The following GMDS variants were observed in gnomAD, a reference collection of about 807,000 sequenced individuals.
GMDS encodes the protein GDP-mannose 4,6-dehydratase.
Under a neutral mutation model 49.9 loss-of-function variants are expected in GMDS, and 20 were observed. That is an observed-to-expected ratio of 0.40 (90% CI 0.28 to 0.58). The LOEUF is 0.58. GMDS is among the 20% of genes least tolerant of loss of function. The probability of loss-of-function intolerance (pLI) is 0.42; values close to 1 mark genes in which losing one functional copy is unlikely to be tolerated. For missense variants in GMDS, 362 were observed against 481.4 expected (o/e 0.75, Z 2.32); for synonymous variants, 177 against 178.6 (o/e 0.99, Z 0.07).
intron 7 of GMDS, among the ~76,000 whole-genome samples, chr6:1,928,670 C>T (rs1762139248): frequency 6.6e-6 from 1 of 151,984 alleles, no homozygotes; most frequent in Non-Finnish European, 1.5e-5. Context: ...CTTAGAAGCA[C>T]ATATTTAAAA....
At chr6:1,706,187 G>A (rs1245074465) in intron 9 of GMDS, among the ~76,000 whole-genome samples, 1 of 152,200 alleles carries the variant, frequency 6.6e-6, no homozygotes, top group Non-Finnish European at 1.5e-5. Flanking sequence ...TTAATCAGAT[G>A]TATATATTGT....
intron 1 of GMDS, among the ~76,000 whole-genome samples, chr6:2,154,296 A>C (rs555017214): frequency 6.6e-6 from 1 of 152,290 alleles, no homozygotes; most frequent in African/African-American, 2.4e-5. Context: ...TGGTTTGTGA[A>C]TACATACAAC....
At chr6:2,234,981 CG>C (rs1399740344) in intron 1 of GMDS, among the ~76,000 whole-genome samples, 2 of 151,968 alleles carry the variant, frequency 1.3e-5, no homozygotes, top group Non-Finnish European at 1.5e-5. Flanking sequence ...GAAAATTAGC[CG>C]GGCGTGGTGG....
At chr6:1,959,827 C>A in intron 6 of GMDS, 40 bp downstream of exon 6, 2 of 1,193,230 alleles carry the variant, frequency 1.7e-6, no homozygotes, top group Non-Finnish European at 2.4e-6. Context: ...TGTTGTTGTT[C>A]AAGTCTGAAA....
At chr6:1,721,312 T>C (rs888728732) in intron 9 of GMDS, among the ~76,000 whole-genome samples, 3 of 152,186 alleles carry the variant, frequency 2.0e-5, no homozygotes, top group Non-Finnish European at 2.9e-5. Flanking sequence ...ATTGCTTTCT[T>C]AGTTCTAGGT....
rs1371035167 is a variant in GMDS at position 1,931,634 on chromosome 6, T to G, written c.644-1404A>C. 2.0e-5 allele frequency among the ~76,000 whole-genome samples: 3 copies of G among 152,226 alleles called. No individual in the cohort carries two copies. In the East Asian group the frequency reaches 5.8e-4, roughly 29 times the overall value. The stretch of plus-strand genomic sequence containing the variant: ...TGGCTAATTAGTAATTTTAAAAATT[T>G]TTCTATTGACTTGTAAGAATTAAAT... On this transcript the variant is annotated intron_variant, in intron 6 of 10. Coordinates refer to ENST00000380815, the MANE Select transcript of GMDS (RefSeq NM_001500.4).
intron 7 of GMDS, among the ~76,000 whole-genome samples, chr6:1,900,854 T>C (rs777271970): frequency 6.9e-4 from 105 of 152,248 alleles, no homozygotes; most frequent in Non-Finnish European, 7.8e-4. Context: ...TGAAAATGTA[T>C]GTTCCCTTAA....
chr6:2,049,172 T>C (rs1770210831), intron 4 of GMDS, among the ~76,000 whole-genome samples: 1 of 152,382 alleles, frequency 6.6e-6, no homozygotes, highest in Admixed American at 6.5e-5. Context: ...CAGTGTGCAG[T>C]ATTTTGTTAT....
At chr6:1,906,835 A>AAAGCACAGGCTGCAAGGTCCT (rs1760802816) in intron 7 of GMDS, among the ~76,000 whole-genome samples, 1 of 152,192 alleles carries the variant, frequency 6.6e-6, no homozygotes, top group African/African-American at 2.4e-5. Flanking sequence ...CAGGCTACTC[A>AAAGCACAGGCTGCAAGGTCCT]AAGCACAGGC....
intron 8 of GMDS, among the ~76,000 whole-genome samples, chr6:1,742,000 C>T (rs184105895): frequency 1.3e-5 from 2 of 150,670 alleles, no homozygotes; most frequent in Non-Finnish European, 3.0e-5. Context: ...CAGCTCACTG[C>T]AATCTCTGCC....
At chr6:1,999,312 C>T (rs1766503922) in intron 4 of GMDS, among the ~76,000 whole-genome samples, 1 of 75,352 alleles carries the variant, frequency 1.3e-5, no homozygotes, top group Non-Finnish European at 2.5e-5. Context: ...CAGAGCGAGA[C>T]TCTGTCTCAA....
intron 1 of GMDS, among the ~76,000 whole-genome samples, chr6:2,132,785 G>A (rs925652106): frequency 6.6e-6 from 1 of 152,104 alleles, no homozygotes; most frequent in African/African-American, 2.4e-5. Flanking sequence ...CTGCCTAACC[G>A]GACAGTTCAG....
intron 7 of GMDS, among the ~76,000 whole-genome samples, chr6:1,809,790 T>C (rs1426858119): frequency 6.6e-6 from 1 of 152,244 alleles, no homozygotes; most frequent in South Asian, 2.1e-4. Flanking sequence ...GAATCTTTTC[T>C]CTTTTCAGGG....
intron 1 of GMDS, among the ~76,000 whole-genome samples, chr6:2,132,216 T>C (rs754858693): frequency 2.6e-5 from 4 of 152,162 alleles, no homozygotes; most frequent in East Asian, 1.9e-4. Context: ...GCTTCACTAA[T>C]AGGATCGATC....
chr6:1,938,351 A>C (rs1762649231), intron 6 of GMDS, among the ~76,000 whole-genome samples: 1 of 152,184 alleles, frequency 6.6e-6, no homozygotes, highest in African/African-American at 2.4e-5. Flanking sequence ...CTTGTGGCAT[A>C]AATTCCCTTC....
chr6:1,833,236 G>A lies in GMDS; in HGVS notation c.772-90650C>T, dbSNP rs574092960. Among the ~76,000 whole-genome samples, 1 of 149,688 alleles carries A rather than the reference G, an allele frequency of 6.7e-6. No homozygotes were observed. Among genetic ancestry groups the A allele is most frequent in the Non-Finnish European group, 1.5e-5 (1 of 67,786 alleles). On this transcript the variant is annotated intron_variant, in intron 7 of 10. Coordinates refer to ENST00000380815, the MANE Select transcript of GMDS (RefSeq NM_001500.4). This position sits in a 1 kb window ranked among gnomAD's most constrained non-coding sequence, Gnocchi z 4.4. Reference sequence around the variant, plus strand: ...GGGAATTGGCCAAATGTCGTCTCCCGCTGGGCTTCAATGCCAAAACTACAC... The same window carrying A: ...GGGAATTGGCCAAATGTCGTCTCCCACTGGGCTTCAATGCCAAAACTACAC...
At chr6:1,870,617 T>C (rs1424905984) in intron 7 of GMDS, among the ~76,000 whole-genome samples, 1 of 152,228 alleles carries the variant, frequency 6.6e-6, no homozygotes. Context: ...CTTAGTTCAG[T>C]GCTAGTTATC....
At chr6:1,926,213 A>G (rs1376116627) in intron 7 of GMDS, among the ~76,000 whole-genome samples, 2 of 152,216 alleles carry the variant, frequency 1.3e-5, no homozygotes, top group East Asian at 3.8e-4. Context: ...GGATACAGAA[A>G]GCCCTCTGTC....
intron 4 of GMDS, among the ~76,000 whole-genome samples, chr6:2,018,835 C>A (rs544433594): frequency 6.6e-6 from 1 of 151,930 alleles, no homozygotes; most frequent in Non-Finnish European, 1.5e-5. Context: ...ATTTTAATTT[C>A]TTTGGGGTAT....
Sources: gnomAD v4.1 joint callset for allele counts (sites outside exome capture counted in the v4.1 genomes callset) on GRCh38, gnomAD v4.1.1 for gene constraint, Gnocchi (gnomAD v3.1) non-coding constraint, MANE v1.5 for transcripts, NCBI Gene and HGNC (gene_info 2026-07-23, HGNC 2026-07-21) for gene names.